ARHGAP26: variants seen among roughly 807,000 people sequenced by gnomAD.
The protein encoded by ARHGAP26 is Rho GTPase activating protein 26.
ARHGAP26 carries 38 observed loss-of-function variants against 104.8 expected under a neutral mutation model. That is an observed-to-expected ratio of 0.36 (90% CI 0.28 to 0.48). The LOEUF (loss-of-function observed/expected upper bound fraction) is 0.48. Ranked by LOEUF, ARHGAP26 falls within the 20% of genes least tolerant of loss-of-function variation. The pLI is 0.99. For synonymous variants in ARHGAP26, 341 were observed against 340.0 expected (o/e 1.00, Z -0.03); for missense variants, 704 against 947.9 (o/e 0.74, Z 3.38).
intron 20 of ARHGAP26, among the ~76,000 whole-genome samples, chr5:143,165,809 T>G (rs761937348): frequency 3.7e-4 from 56 of 152,308 alleles, no homozygotes; most frequent in Admixed American, 8.5e-4. Context: ...AGTGAAAACA[T>G]GTAGTGTTTG....
At chr5:142,857,313 C>G (rs982712680) in intron 1 of ARHGAP26, among the ~76,000 whole-genome samples, 1 of 152,110 alleles carries the variant, frequency 6.6e-6, no homozygotes, top group African/African-American at 2.4e-5. Context: ...AGTGGGTGGA[C>G]CTGTGCTAGG....
At chr5:143,085,042 C>T (rs987205832) in intron 17 of ARHGAP26, among the ~76,000 whole-genome samples, 9 of 117,168 alleles carry the variant, frequency 7.7e-5, no homozygotes, top group Non-Finnish European at 1.0e-4. Context: ...AAGACTCCAT[C>T]TCAAAAAAAA....
intron 22 of ARHGAP26, among the ~76,000 whole-genome samples, chr5:143,219,776 C>G (rs1400519218): frequency 6.6e-6 from 1 of 152,202 alleles, no homozygotes; most frequent in Non-Finnish European, 1.5e-5. Context: ...GTGTCCCATT[C>G]CCAGAGATTC....
chr5:142,980,081 C>T (rs1773696644), intron 11 of ARHGAP26, among the ~76,000 whole-genome samples: 1 of 152,220 alleles, frequency 6.6e-6, no homozygotes, highest in Admixed American at 6.5e-5. Context: ...CTCCAGGTAA[C>T]CACTCTTCTG....
At chr5:142,880,603 T>C (rs1056951790) in intron 4 of ARHGAP26, among the ~76,000 whole-genome samples, 8 of 152,186 alleles carry the variant, frequency 5.3e-5, no homozygotes, top group Non-Finnish European at 1.2e-4. Flanking sequence ...ATGTTTTCAT[T>C]GGAATCAATG....
chr5:143,218,866 T>G (rs934717616), intron 22 of ARHGAP26, among the ~76,000 whole-genome samples: 1 of 152,234 alleles, frequency 6.6e-6, no homozygotes, highest in Admixed American at 6.5e-5. Flanking sequence ...TGGGATCAGA[T>G]GTCTTGGTCT....
At chr5:142,910,888 C>A (rs914517830) in intron 9 of ARHGAP26, among the ~76,000 whole-genome samples, 1 of 152,200 alleles carries the variant, frequency 6.6e-6, no homozygotes, top group African/African-American at 2.4e-5. Flanking sequence ...CAGAGCTCTC[C>A]TAGGAGCTAG....
In ARHGAP26 at chr5:142,976,169, G is replaced by C. The variant is rs564507417; in HGVS notation, c.1108-37911G>C. Among the ~76,000 whole-genome samples, 27 of 152,322 alleles carry C rather than the reference G, an allele frequency of 1.8e-4. No homozygotes were observed. In the South Asian group the frequency reaches 5.2e-3, roughly 29 times the overall value. ...CATATTCTATTTCACTTCATTGGAA[G>C]CTCTTTCCCATGAAGGATTCTGCAG... On this transcript the variant is annotated intron_variant, in intron 11 of 22. Transcript: ENST00000645722.
At chr5:142,814,231 C>G (rs893823378) in intron 1 of ARHGAP26, among the ~76,000 whole-genome samples, 1 of 152,248 alleles carries the variant, frequency 6.6e-6, no homozygotes, top group African/African-American at 2.4e-5. Flanking sequence ...AGAACTTTGT[C>G]AAGAGTTGGG....
At chr5:143,135,910 G>A (rs894258397) in intron 19 of ARHGAP26, among the ~76,000 whole-genome samples, 1 of 152,172 alleles carries the variant, frequency 6.6e-6, no homozygotes, top group Non-Finnish European at 1.5e-5. Flanking sequence ...CGTGGCCTGG[G>A]CCCCTGCGAG....
chr5:142,905,252 A>G (rs1410821608), intron 8 of ARHGAP26, among the ~76,000 whole-genome samples: 4 of 152,162 alleles, frequency 2.6e-5, no homozygotes, highest in South Asian at 2.1e-4. Flanking sequence ...TATAAAATCA[A>G]TGTTGTTTTT....
intron 1 of ARHGAP26, among the ~76,000 whole-genome samples, chr5:142,775,881 C>A (rs1756217061): frequency 6.6e-6 from 1 of 152,146 alleles, no homozygotes; most frequent in Admixed American, 6.5e-5. Flanking sequence ...AAAGACTATT[C>A]TTTCTCTTTT....
Position 143,057,629 on chromosome 5 carries a change from CCTT to C in ARHGAP26, c.1433-11_1433-9del. ...GACACTGATAAGATATTACCTCCCT[CCTT>C]CCTTTGCAGAACTGGAGAACCAGGA... On this transcript the variant is annotated splice_polypyrimidine_tract_variant and intron_variant, in intron 16 of 22. Coordinates refer to ENST00000645722, the MANE Select transcript of ARHGAP26 (RefSeq NM_001135608.3). The C allele has an allele frequency of 6.2e-7, 1 of 1,610,450 alleles. No individual in the cohort carries two copies. The highest frequency in any genetic ancestry group is 1.1e-5 in the South Asian group (1 of 90,978).
chr5:142,786,918 T>A (rs1471160961), intron 1 of ARHGAP26, among the ~76,000 whole-genome samples: 2 of 152,194 alleles, frequency 1.3e-5, no homozygotes, highest in African/African-American at 4.8e-5. Flanking sequence ...GTGCTGAGAT[T>A]ACAGGCATGA....
At chr5:143,210,924 A>G (rs74723727) in intron 21 of ARHGAP26, among the ~76,000 whole-genome samples, 5,466 of 152,308 alleles carry the variant, frequency 0.036, 325 homozygotes, top group African/African-American at 0.12. Flanking sequence ...AAACTACCCC[A>G]GGCCCTCTGT....
chr5:142,935,949 G>A (rs1008950698), intron 11 of ARHGAP26, among the ~76,000 whole-genome samples: 1 of 152,086 alleles, frequency 6.6e-6, no homozygotes, highest in Non-Finnish European at 1.5e-5. Flanking sequence ...ACAAGTTGAG[G>A]GTGTTTGCTG....
intron 20 of ARHGAP26, among the ~76,000 whole-genome samples, chr5:143,158,219 C>G (rs945072266): frequency 6.6e-6 from 1 of 151,982 alleles, no homozygotes; most frequent in African/African-American, 2.4e-5. Context: ...TTGTTTGATC[C>G]TGATGTAACA....
At chr5:143,193,101 T>C (rs1484689602) in intron 20 of ARHGAP26, among the ~76,000 whole-genome samples, 1 of 152,104 alleles carries the variant, frequency 6.6e-6, no homozygotes, top group Non-Finnish European at 1.5e-5. Flanking sequence ...GAAGTCTTGC[T>C]CCCCACATGA....
intron 14 of ARHGAP26, among the ~76,000 whole-genome samples, chr5:143,044,842 C>T (rs1305607490): frequency 6.6e-6 from 1 of 152,112 alleles, no homozygotes; most frequent in African/African-American, 2.4e-5. Flanking sequence ...AAGGCAAACC[C>T]TATCAAAGAC....
Sources: gnomAD v4.1 joint callset for allele counts (sites outside exome capture counted in the v4.1 genomes callset) on GRCh38, gnomAD v4.1.1 for gene constraint, MANE v1.5 for transcripts, NCBI Gene and HGNC (gene_info 2026-07-23, HGNC 2026-07-21) for gene names.